The following TMF1 variants were observed in gnomAD, a reference collection of about 807,000 sequenced individuals.
The protein encoded by TMF1 is TATA element modulatory factor 1, also known as TATA element modulatory factor.
A neutral mutation model predicts 126.5 loss-of-function variants in TMF1; 71 were observed. The observed-to-expected ratio is 0.56, with a 90% CI of 0.46 to 0.68. The LOEUF is 0.68. Ranked by LOEUF, TMF1 falls within the 30% of genes least tolerant of loss-of-function variation. TMF1 has a pLI of 0.00. For synonymous variants in TMF1, 461 were observed against 430.5 expected, an observed-to-expected ratio of 1.07 and a Z score of -0.88; for missense variants, 1,259 against 1,253.2, an observed-to-expected ratio of 1.00 and a Z score of -0.07.
In TMF1 at chr3:69,048,453, T is replaced by C; in HGVS notation, c.252A>G (p.Pro84=). The change falls in exon 2 of 17, where the codon CCA becomes CCG. Residue 84 remains proline, a synonymous_variant. Transcript: ENST00000398559. ...ATTCATCGACCACAGTCCTCCGAAC[T>C]GGCTTTGTGATTGCTTTAGGAGAGG... The part of the protein sequence containing the change: ...PIASPKAITK[P]VRRTVVDESE... The C allele has an allele frequency of 6.2e-7, 1 of 1,614,192 alleles. No homozygotes were observed. The highest frequency in any genetic ancestry group is 8.5e-7 in the Non-Finnish European group (1 of 1,180,030).
chr3:69,031,243 G>A (rs1006176287), intron 10 of TMF1, among the ~76,000 whole-genome samples: 1 of 152,178 alleles, frequency 6.6e-6, no homozygotes, highest in Non-Finnish European at 1.5e-5. Context: ...TTTGGGACAA[G>A]GGAGGAAGGG....
chr3:69,041,076 A>G (rs979595373), intron 5 of TMF1, among the ~76,000 whole-genome samples: 2 of 152,182 alleles, frequency 1.3e-5, no homozygotes, highest in Non-Finnish European at 2.9e-5. Flanking sequence ...ACATCAGTTC[A>G]TTCTCTGACA....
At position 69,038,702 on chromosome 3, in the gene TMF1, G is replaced by C; in HGVS notation, c.2013C>G (p.His671Gln). Residue 671 changes from histidine to glutamine, a missense_variant, in exon 8 of 17, where the codon CAC (histidine) becomes CAG (glutamine). By Grantham distance (24) the His-to-Gln change is conservative (BLOSUM62 0). Transcript: ENST00000398559. The part of the protein sequence containing the change: ...DSAYKELTDL[H>Q]KANAAKDSEA... ...CACTATCCTTTGCAGCATTGGCTTT[G>C]TGAAGATCAGTAAGTTCTCTTAAAA... The C allele has an allele frequency of 6.2e-7, 1 of 1,611,194 alleles. No homozygotes were observed. The highest frequency in any genetic ancestry group is 1.1e-5 in the South Asian group (1 of 90,580).
At chr3:69,039,999 T>C (rs1383436872) in intron 5 of TMF1, among the ~76,000 whole-genome samples, 1 of 152,230 alleles carries the variant, frequency 6.6e-6, no homozygotes, top group Non-Finnish European at 1.5e-5. Context: ...GCATCACCAA[T>C]TGTAGTACAG....
chr3:69,021,002 T>C lies in TMF1; in HGVS notation c.*2175A>G, dbSNP rs968012337. 41 of 152,202 alleles carry C rather than the reference T, an allele frequency of 2.7e-4. No individual in the cohort carries two copies. The highest frequency in any genetic ancestry group is 9.4e-4 in the African/African-American group (39 of 41,460). The allele number at this position is 152,202 out of a possible 1,614,324, so 9.4% of individuals were successfully genotyped here. A position where few individuals can be genotyped will look rare whatever the true frequency, so the allele number is the denominator to read the frequency against. ...AGAATTTTGTAACTTAAGTTTCATA[T>C]AGAGTAGTCTCCCCTTATCCACGAT... is the stretch of plus-strand genomic sequence containing the variant. On this transcript the variant is annotated 3_prime_UTR_variant, in exon 17 of 17. Coordinates refer to ENST00000398559, the MANE Select transcript of TMF1 (RefSeq NM_007114.3).
chr3:69,042,554 G>A (rs1385090173), intron 5 of TMF1: 2 of 587,118 alleles, frequency 3.4e-6, no homozygotes, highest in Admixed American at 4.3e-5. Flanking sequence ...TCTTAGGGCA[G>A]CACAAATTTC....
intron 8 of TMF1, among the ~76,000 whole-genome samples, chr3:69,036,980 GA>G (rs2091834961): frequency 6.6e-6 from 1 of 151,392 alleles, no homozygotes; most frequent in African/African-American, 2.4e-5. Context: ...TCAAGAAAAA[GA>G]AAGACAACCC....
intron 10 of TMF1, among the ~76,000 whole-genome samples, chr3:69,031,312 T>TAAGAAAAA (rs1418229686): frequency 6.6e-6 from 1 of 151,884 alleles, no homozygotes; most frequent in Non-Finnish European, 1.5e-5. Context: ...TATTTTCAGC[T>TAAGAAAAA]AAGAAAAAAA....
rs1480647617 is a variant in TMF1 at position 69,021,445 on chromosome 3, C to T, written c.*1732G>A. 2 of 152,494 alleles carry T rather than the reference C, an allele frequency of 1.3e-5. No individual in the cohort carries two copies. The highest frequency in any genetic ancestry group is 4.8e-5 in the African/African-American group (2 of 41,408). The allele number at this position is 152,494 out of a possible 1,614,324, so 9.4% of individuals were successfully genotyped here. The stretch of plus-strand genomic sequence containing the variant: ...AAGCTGACAAAAAGCTATTAGACTA[C>T]TTTTTACTACTAAAATGAAGAAAAT... On this transcript the variant is annotated 3_prime_UTR_variant, in exon 17 of 17. Coordinates refer to ENST00000398559, the MANE Select transcript of TMF1 (RefSeq NM_007114.3).
chr3:69,041,903 G>A (rs185881973), intron 5 of TMF1, among the ~76,000 whole-genome samples: 2 of 152,216 alleles, frequency 1.3e-5, no homozygotes, highest in Non-Finnish European at 2.9e-5. Flanking sequence ...AATAAAAAGA[G>A]AGATTCACTT....
intron 10 of TMF1, 89 bp downstream of exon 10, chr3:69,033,459 C>G (rs2091815077): frequency 1.4e-6 from 2 of 1,395,864 alleles, no homozygotes; most frequent in Non-Finnish European, 9.6e-7. Flanking sequence ...ACTATCAGAT[C>G]AAATGAATTT....
At chr3:69,044,453 G>A in intron 3 of TMF1, 39 bp downstream of exon 3, 1 of 1,205,262 alleles carries the variant, frequency 8.3e-7, no homozygotes, top group Admixed American at 2.3e-5. Context: ...CAGGTTTCCA[G>A]AAAATGTGTA....
At chr3:69,027,304 C>T (rs1421892606) in intron 13 of TMF1, among the ~76,000 whole-genome samples, 1 of 152,018 alleles carries the variant, frequency 6.6e-6, no homozygotes, top group Non-Finnish European at 1.5e-5. Flanking sequence ...CCTCAGAAAA[C>T]TCATTTCAGA....
rs568836296 is a variant in TMF1, at chr3:69,052,275, G to C, written c.-189C>G. ...TCGGCCGTTCCCGCACAGCTGAGAC[G>C]AAGGGGGCCCATGTGCGCATGCGCT... On this transcript the variant is annotated 5_prime_UTR_variant, in exon 1 of 17. Transcript: ENST00000398559. 5.8e-5 allele frequency: 31 copies of C among 530,770 alleles called. No homozygotes were observed. Among genetic ancestry groups the C allele is most frequent in the Non-Finnish European group, 7.7e-5 (24 of 311,720 alleles). The allele number at this position is 530,770 out of a possible 1,614,324, so 32.9% of individuals were successfully genotyped here. A position where few individuals can be genotyped will look rare whatever the true frequency, so the allele number is the denominator to read the frequency against.
intron 13 of TMF1, 105 bp from the exon 14 acceptor site, chr3:69,026,202 A>G (rs1277536065): frequency 5.5e-6 from 4 of 725,604 alleles, no homozygotes; most frequent in Non-Finnish European, 7.0e-6. Flanking sequence ...CAGTCTTTTA[A>G]AAAAGCCACA....
rs1044459895 is a variant in TMF1 at position 69,019,992 on chromosome 3, G to C, written c.*3185C>G. On this transcript the variant is annotated 3_prime_UTR_variant, in exon 17 of 17. Coordinates refer to ENST00000398559, the MANE Select transcript of TMF1 (RefSeq NM_007114.3). Reference sequence around the variant, plus strand: ...AAATGGACCTAGAATATGGAAAATTGGATTCACTTTAATGAAAATGAAAAA... The same window carrying C: ...AAATGGACCTAGAATATGGAAAATTCGATTCACTTTAATGAAAATGAAAAA... 7.9e-5 allele frequency: 12 copies of C among 151,878 alleles called. No homozygotes were observed. Among genetic ancestry groups the C allele is most frequent in the African/African-American group, 2.7e-4 (11 of 41,362 alleles). The allele number at this position is 151,878 out of a possible 1,614,324, so 9.4% of individuals were successfully genotyped here. A position where few individuals can be genotyped will look rare whatever the true frequency, so the allele number is the denominator to read the frequency against.
chr3:69,050,128 C>A (rs145992506), intron 1 of TMF1, among the ~76,000 whole-genome samples: 1 of 151,762 alleles, frequency 6.6e-6, no homozygotes, highest in African/African-American at 2.4e-5. Flanking sequence ...GGTGTGGTGA[C>A]GCAAACCTGC....
Position 69,025,719 on chromosome 3 carries a change from T to C in TMF1, c.2860-7A>G. On this transcript the variant is annotated splice_region_variant and splice_polypyrimidine_tract_variant and intron_variant, in intron 14 of 16. Coordinates refer to ENST00000398559, the MANE Select transcript of TMF1 (RefSeq NM_007114.3). ...AGTGATCATGAGACTCATCCTATGTTAATTAAGAAAGTTCACACAGTTACT... is the reference window on the plus strand; with the variant it reads ...AGTGATCATGAGACTCATCCTATGTCAATTAAGAAAGTTCACACAGTTACT... 1 of 1,609,174 alleles carries C rather than the reference T, an allele frequency of 6.2e-7. No homozygotes were observed. Among genetic ancestry groups the C allele is most frequent in the Non-Finnish European group, 8.5e-7 (1 of 1,178,254 alleles).
At chr3:69,037,588 G>A (rs1443816805) in intron 8 of TMF1, among the ~76,000 whole-genome samples, 1 of 152,140 alleles carries the variant, frequency 6.6e-6, no homozygotes, top group Non-Finnish European at 1.5e-5. Context: ...GTTGCAATGA[G>A]CCGAGATTGC....
Sources: gnomAD v4.1 joint callset for allele counts (sites outside exome capture counted in the v4.1 genomes callset) on GRCh38, gnomAD v4.1.1 for gene constraint, MANE v1.5 for transcripts, NCBI Gene and HGNC (gene_info 2026-07-23, HGNC 2026-07-21) for gene names.